The following PCDHGA2 variants were observed in gnomAD, a reference collection of about 807,000 sequenced individuals.
PCDHGA2 encodes protocadherin gamma subfamily A, 2, also known as protocadherin gamma-A2.
A neutral mutation model predicts 59.2 loss-of-function variants in PCDHGA2; 40 were observed. The ratio of observed to expected loss-of-function variants is 0.68; its 90% CI spans 0.52 to 0.88. PCDHGA2 has a LOEUF of 0.88. Among genes scored for constraint, PCDHGA2 ranks in the 40% least tolerant of loss-of-function variants. The pLI is 0.00. For missense variants in PCDHGA2, 1,226 were observed against 1,204.0 expected, an observed-to-expected ratio of 1.02 and a Z score of -0.27; for synonymous variants, 560 against 526.0, an observed-to-expected ratio of 1.06 and a Z score of -0.89.
At chr5:141,371,039 G>A (rs1233349729) in intron 1 of PCDHGA2, 1 of 1,613,848 alleles carries the variant, frequency 6.2e-7, no homozygotes, top group Admixed American at 1.7e-5. Context: ...TCACAGCTGT[G>A]GATGGGGGCG....
chr5:141,451,789 G>A (rs2098724524), intron 1 of PCDHGA2, among the ~76,000 whole-genome samples: 1 of 152,074 alleles, frequency 6.6e-6, no homozygotes, highest in South Asian at 2.1e-4. Flanking sequence ...GCTGAGGCCA[G>A]AGAATTGCTT....
At chr5:141,370,393 G>T (rs1277471352) in intron 1 of PCDHGA2, 14 of 1,547,032 alleles carry the variant, frequency 9.0e-6, no homozygotes, top group Non-Finnish European at 1.2e-5. Context: ...GCAGAGAGCG[G>T]GATGGGAAAT....
At chr5:141,474,607 A>C (rs1334447439) in intron 1 of PCDHGA2, among the ~76,000 whole-genome samples, 1 of 152,238 alleles carries the variant, frequency 6.6e-6, no homozygotes, top group Non-Finnish European at 1.5e-5. Context: ...TAGGTCACAT[A>C]TGGCTTTTCA....
rs373418210 is a variant in PCDHGA2, at chr5:141,357,669, G to A, written c.2424+16274G>A. 7.4e-4 allele frequency: 1,188 copies of A among 1,597,338 alleles called. 1 individual carries two copies. The highest frequency in any genetic ancestry group is 1.1e-3 in the Admixed American group (63 of 57,898). On this transcript the variant is annotated intron_variant, in intron 1 of 3. Coordinates refer to ENST00000394576, the MANE Select transcript of PCDHGA2 (RefSeq NM_018915.4). The stretch of plus-strand genomic sequence containing the variant: ...CATACCACACTGAAATATAGACAAA[G>A]AGTTGTGTAAATGTCTCTCATTTTA...
intron 1 of PCDHGA2, among the ~76,000 whole-genome samples, chr5:141,488,190 G>A (rs1162264945): frequency 1.3e-5 from 2 of 152,164 alleles, no homozygotes; most frequent in African/African-American, 4.8e-5. Flanking sequence ...CTTTTGGTCT[G>A]GGTCTTAGGA....
chr5:141,363,922 T>C (rs1411192181), intron 1 of PCDHGA2, among the ~76,000 whole-genome samples: 1 of 152,164 alleles, frequency 6.6e-6, no homozygotes, highest in Non-Finnish European at 1.5e-5. Context: ...TTTTGTAAGG[T>C]ATTGAGATCT....
rs1252377833 is a variant in PCDHGA2, at chr5:141,485,012, G to T, written c.2425-9795G>T. On this transcript the variant is annotated intron_variant, in intron 1 of 3. Coordinates refer to ENST00000394576, the MANE Select transcript of PCDHGA2 (RefSeq NM_018915.4). The surrounding 1 kb of genome is among the most constrained non-coding windows in gnomAD (Gnocchi z 5.7). Reference sequence around the variant, plus strand: ...GGTGAAAGGCAGACAAATCTACCCCGCCACCAGCAAAAACGGCGCGTAACC... The same window carrying T: ...GGTGAAAGGCAGACAAATCTACCCCTCCACCAGCAAAAACGGCGCGTAACC... The T allele has an allele frequency of 1.3e-5, 8 of 630,528 alleles. No individual in the cohort carries two copies. In the Admixed American group the frequency reaches 1.5e-4, roughly 12 times the overall value. 39.1% of individuals were successfully genotyped at this position (630,528 alleles called of 1,614,324 possible).
intron 1 of PCDHGA2, chr5:141,388,947 A>T: frequency 6.2e-7 from 1 of 1,614,054 alleles, no homozygotes; most frequent in Non-Finnish European, 8.5e-7. Context: ...CAACCTAATT[A>T]TGGAGGACGC....
chr5:141,356,493 A>G (rs1364777213), intron 1 of PCDHGA2: 5 of 1,613,938 alleles, frequency 3.1e-6, no homozygotes, highest in Admixed American at 3.3e-5. Flanking sequence ...GAACTCCTCC[A>G]CTGTCTACAG....
chr5:141,449,592 A>C (rs1344646010), intron 1 of PCDHGA2, among the ~76,000 whole-genome samples: 1 of 150,266 alleles, frequency 6.7e-6, no homozygotes, highest in African/African-American at 2.4e-5. Context: ...CTGTCTCAAA[A>C]AAAAAAAAAA....
intron 1 of PCDHGA2, chr5:141,428,256 T>A: frequency 1.2e-6 from 1 of 863,822 alleles, no homozygotes; most frequent in Non-Finnish European, 1.9e-6. Flanking sequence ...CAGACTTCAG[T>A]GACAGTCCTG....
At chr5:141,374,884 C>A in intron 1 of PCDHGA2, 3 of 1,613,714 alleles carry the variant, frequency 1.9e-6, no homozygotes, top group Non-Finnish European at 1.7e-6. Context: ...TGACTGCCAC[C>A]GACCAGGATG....
At chr5:141,355,864 C>G (rs749145164) in intron 1 of PCDHGA2, 3 of 1,612,452 alleles carry the variant, frequency 1.9e-6, no homozygotes, top group Non-Finnish European at 2.5e-6. Flanking sequence ...TGACCCGGTT[C>G]GCTCTGGCAC....
chr5:141,375,017 T>TC lies in PCDHGA2; in HGVS notation c.2424+33623dup, dbSNP rs772354381. The TC allele has an allele frequency of 6.2e-6, 10 of 1,614,032 alleles. No individual in the cohort carries two copies. The South Asian group carries it at 1.1e-4, about 18-fold the overall frequency. The stretch of plus-strand genomic sequence containing the variant: ...TTCTGCAAATCTAGACTATGAGGAC[T>TC]CGAGTTTTTATGAGCTGGGTGTTGA... On this transcript the variant is annotated intron_variant, in intron 1 of 3. Transcript: ENST00000394576.
intron 1 of PCDHGA2, chr5:141,415,759 T>TTTG: frequency 3.7e-6 from 5 of 1,352,140 alleles, no homozygotes; most frequent in Non-Finnish European, 4.8e-6. Flanking sequence ...TTTTTTTTTT[T>TTTG]TTTTTTTTTT....
intron 2 of PCDHGA2, among the ~76,000 whole-genome samples, chr5:141,496,078 CCCCACCCACCA>C (rs1204698458): frequency 6.6e-6 from 1 of 152,016 alleles, no homozygotes; most frequent in Non-Finnish European, 1.5e-5. Context: ...ACACACAACC[CCCCACCCACCA>C]CCCACCAACA....
intron 1 of PCDHGA2, chr5:141,408,720 A>G (rs1325828281): frequency 6.2e-7 from 1 of 1,611,214 alleles, no homozygotes; most frequent in African/African-American, 1.3e-5. Context: ...TATAAGATAA[A>G]CTCTAATCCT....
chr5:141,371,999 C>T (rs1243800762), intron 1 of PCDHGA2: 33 of 1,613,154 alleles, frequency 2.0e-5, no homozygotes, highest in Non-Finnish European at 2.8e-5. Flanking sequence ...TGCAGGCCCG[C>T]GACCAGGGCT....
intron 1 of PCDHGA2, chr5:141,360,626 C>G: frequency 6.2e-7 from 1 of 1,614,010 alleles, no homozygotes; most frequent in Non-Finnish European, 8.5e-7. Flanking sequence ...GATGTTGGTC[C>G]TAACTCACTA....
Sources: gnomAD v4.1 joint callset for allele counts (sites outside exome capture counted in the v4.1 genomes callset) on GRCh38, gnomAD v4.1.1 for gene constraint, Gnocchi (gnomAD v3.1) non-coding constraint, MANE v1.5 for transcripts, NCBI Gene and HGNC (gene_info 2026-07-23, HGNC 2026-07-21) for gene names.